CCDC73: variants seen among roughly 807,000 people sequenced by gnomAD.
CCDC73 encodes coiled-coil domain-containing protein 73.
CCDC73 carries 95 observed loss-of-function variants against 116.5 expected under a neutral mutation model. The ratio of observed to expected loss-of-function variants is 0.82; its 90% CI spans 0.69 to 0.97. CCDC73 has a LOEUF of 0.97. Ranked by LOEUF, CCDC73 falls within the 50% of genes least tolerant of loss-of-function variation. CCDC73 has a pLI of 0.00. For synonymous variants in CCDC73, 398 were observed against 401.3 expected, an observed-to-expected ratio of 0.99 and a Z score of 0.10; for missense variants, 1,066 against 1,206.8, an observed-to-expected ratio of 0.88 and a Z score of 1.73.
chr11:32,612,412 C>T (rs183054432), intron 16 of CCDC73, among the ~76,000 whole-genome samples: 108 of 151,590 alleles, frequency 7.1e-4, no homozygotes, highest in African/African-American at 2.5e-3. Flanking sequence ...ATTTATACAG[C>T]ACCAATTCAT....
the CCDC73 span, among the ~76,000 whole-genome samples, chr11:32,817,850 T>C: frequency 5.9e-5 from 9 of 152,212 alleles, no homozygotes; most frequent in African/African-American, 2.2e-4. Flanking sequence ...ATCATAATAG[T>C]CCAGTGATGA....
At chr11:32,727,896 T>C (rs987141601) in intron 2 of CCDC73, among the ~76,000 whole-genome samples, 1 of 152,096 alleles carries the variant, frequency 6.6e-6, no homozygotes, top group Non-Finnish European at 1.5e-5. Context: ...GTGATTTTTC[T>C]AAGGGTGATT....
At position 32,673,107 on chromosome 11, in the gene CCDC73, C is replaced by G. The variant is rs553303666; in HGVS notation, c.645+2458G>C. On this transcript the variant is annotated intron_variant, in intron 9 of 17. Transcript: ENST00000335185. ...AAACAACCCAATTAAAAAATGGGCC[C>G]AAGGCCTGAACAGACACTTTAACAA... Among the ~76,000 whole-genome samples, 3 of 152,284 alleles carry G rather than the reference C, an allele frequency of 2.0e-5. No individual in the cohort carries two copies. In the South Asian group the frequency reaches 6.2e-4, roughly 32 times the overall value.
At chr11:32,681,571 C>G (rs1016333940) in intron 7 of CCDC73, 1 of 151,908 alleles carries the variant, frequency 6.6e-6, no homozygotes, top group African/African-American at 2.4e-5. Context: ...TAAGGACTTA[C>G]CTATAGGAGC....
At chr11:32,672,566 A>G (rs1856049541) in intron 9 of CCDC73, among the ~76,000 whole-genome samples, 1 of 152,338 alleles carries the variant, frequency 6.6e-6, no homozygotes, top group Non-Finnish European at 1.5e-5. Flanking sequence ...AGAGACATCA[A>G]TGAAAATGTG....
intron 9 of CCDC73, among the ~76,000 whole-genome samples, chr11:32,656,652 T>C (rs912243782): frequency 3.3e-5 from 5 of 152,198 alleles, no homozygotes; most frequent in Non-Finnish European, 5.9e-5. Context: ...AGCTGTGATA[T>C]ACAGTATTCA....
chr11:32,629,932 A>C (rs980696845), intron 14 of CCDC73, among the ~76,000 whole-genome samples: 9 of 148,868 alleles, frequency 6.0e-5, no homozygotes, highest in African/African-American at 1.0e-4. Flanking sequence ...AAAAAAAAAA[A>C]AACAAAAAAA....
chr11:32,707,177 A>G (rs1249068822), intron 3 of CCDC73, among the ~76,000 whole-genome samples: 1 of 152,126 alleles, frequency 6.6e-6, no homozygotes, highest in African/African-American at 2.4e-5. Context: ...GATGAGTCAT[A>G]CCTTATGAAG....
At chr11:32,776,823 T>C (rs970096221) in intron 1 of CCDC73, among the ~76,000 whole-genome samples, 4 of 151,042 alleles carry the variant, frequency 2.6e-5, no homozygotes, top group Non-Finnish European at 4.4e-5. Context: ...TATGTATATA[T>C]ACAACCCCTT....
At chr11:32,642,822 G>C (rs558638755) in intron 12 of CCDC73, among the ~76,000 whole-genome samples, 49 of 151,530 alleles carry the variant, frequency 3.2e-4, no homozygotes, top group Non-Finnish European at 4.7e-4. Context: ...TGTTTACAAA[G>C]CTATGCACAT....
chr11:32,714,182 G>A (rs1849924751), intron 3 of CCDC73, among the ~76,000 whole-genome samples: 1 of 152,024 alleles, frequency 6.6e-6, no homozygotes, highest in Non-Finnish European at 1.5e-5. Context: ...AAGAAAAGTA[G>A]AGAGGACTAA....
At chr11:32,632,077 G>C (rs2094900433) in intron 14 of CCDC73, among the ~76,000 whole-genome samples, 1 of 152,134 alleles carries the variant, frequency 6.6e-6, no homozygotes, top group Admixed American at 6.5e-5. Context: ...ATTTAATTTA[G>C]GTGTGGTCAG....
chr11:32,759,546 G>A (rs1053502729), intron 2 of CCDC73, among the ~76,000 whole-genome samples: 1 of 151,806 alleles, frequency 6.6e-6, no homozygotes, highest in Admixed American at 6.6e-5. Context: ...TGGCCAGGCT[G>A]GTCTCGAACT....
At chr11:32,654,688 T>C (rs181733078) in intron 10 of CCDC73, among the ~76,000 whole-genome samples, 156 bp downstream of exon 10, 29 of 152,320 alleles carry the variant, frequency 1.9e-4, no homozygotes, top group Admixed American at 3.9e-4. Flanking sequence ...TGTCCTAAAG[T>C]CTATGGCAAA....
chr11:32,663,760 T>A (rs1017199385), intron 9 of CCDC73, among the ~76,000 whole-genome samples: 1 of 152,210 alleles, frequency 6.6e-6, no homozygotes, highest in African/African-American at 2.4e-5. Context: ...CTTGTGCCAG[T>A]TTTCAAAGGG....
chr11:32,637,963 T>A (rs1855697322), intron 13 of CCDC73, among the ~76,000 whole-genome samples: 1 of 152,210 alleles, frequency 6.6e-6, no homozygotes, highest in Non-Finnish European at 1.5e-5. Flanking sequence ...ACTCATTATT[T>A]TCATCCACAA....
intron 1 of CCDC73, among the ~76,000 whole-genome samples, chr11:32,763,736 C>T (rs925931743): frequency 5.3e-5 from 8 of 152,204 alleles, no homozygotes; most frequent in African/African-American, 1.9e-4. Context: ...CGCAGCTCCT[C>T]GCCAGCAAAG....
intron 14 of CCDC73, among the ~76,000 whole-genome samples, chr11:32,619,414 T>A (rs539008351): frequency 6.6e-6 from 1 of 152,338 alleles, no homozygotes; most frequent in African/African-American, 2.4e-5. Flanking sequence ...CTCATGCCTG[T>A]AATCCCAGTG....
chr11:32,626,398 T>C (rs567323467), intron 14 of CCDC73, among the ~76,000 whole-genome samples: 6 of 151,874 alleles, frequency 4.0e-5, no homozygotes, highest in Admixed American at 1.3e-4. Flanking sequence ...ATGGCCATAC[T>C]GCCCAAGGTA....
Sources: gnomAD v4.1 joint callset for allele counts (sites outside exome capture counted in the v4.1 genomes callset) on GRCh38, gnomAD v4.1.1 for gene constraint, MANE v1.5 for transcripts, NCBI Gene and HGNC (gene_info 2026-07-23, HGNC 2026-07-21) for gene names.